SRSF4: variants seen among roughly 807,000 people sequenced by gnomAD.
SRSF4 encodes the protein serine and arginine rich splicing factor 4, also known as serine/arginine-rich splicing factor 4.
A neutral mutation model predicts 48.8 loss-of-function variants in SRSF4; 12 were observed. That is an observed-to-expected ratio of 0.25 (90% CI 0.16 to 0.40). The LOEUF is 0.40. Among genes scored for constraint, SRSF4 ranks in the 10% least tolerant of loss-of-function variants. The pLI is 1.00. For synonymous variants in SRSF4, 248 were observed against 232.5 expected, an observed-to-expected ratio of 1.07 and a Z score of -0.61; for missense variants, 466 against 667.1, an observed-to-expected ratio of 0.70 and a Z score of 3.32.
At chr1:29,154,550 A>C (rs1672469095) in intron 4 of SRSF4, 146 bp downstream of exon 4, 1 of 768,464 alleles carries the variant, frequency 1.3e-6, no homozygotes, top group Non-Finnish European at 2.0e-6. Context: ...GAGTTTTACA[A>C]ATAAATGTTC....
At chr1:29,159,235 TTTAA>T (rs1307246094) in intron 3 of SRSF4, 135 bp downstream of exon 3, 2 of 568,256 alleles carry the variant, frequency 3.5e-6, no homozygotes, top group Non-Finnish European at 6.3e-6. Flanking sequence ...CATATGGCAC[TTTAA>T]TTATTTCCAG....
Position 29,148,456 on chromosome 1 carries a change from G to A in SRSF4, c.1439C>T (p.Ser480Phe), listed in dbSNP as rs779890401. Residue 480 changes from serine to phenylalanine, a missense_variant, in exon 6 of 6, where the codon TCC (serine) becomes TTC (phenylalanine). By Grantham distance (155) the Ser-to-Phe change is radical. Transcript: ENST00000373795. ...AGATCTAGATCGGGAGGGCGATCTG[G>A]AAGCAGACCTGGATCTAGACTTGGA... is the stretch of plus-strand genomic sequence containing the variant. ...SRSKSRSRSA[S>F]RSPSRSRSRS... The A allele has an allele frequency of 1.9e-6, 3 of 1,612,462 alleles. No homozygotes were observed. The highest frequency in any genetic ancestry group is 2.2e-5 in the South Asian group (2 of 90,802).
rs1216963301 is a variant in SRSF4 at position 29,181,822 on chromosome 1, A to C, written c.-70T>G. On this transcript the variant is annotated 5_prime_UTR_variant, in exon 1 of 6. Coordinates refer to ENST00000373795, the MANE Select transcript of SRSF4 (RefSeq NM_005626.5). ...AGGCGGCGGCGGGCAAAGCGAGAGCACGGCGGCAGCGGCGGCGGCGGCAAC... is the reference window on the plus strand; with the variant it reads ...AGGCGGCGGCGGGCAAAGCGAGAGCCCGGCGGCAGCGGCGGCGGCGGCAAC... The C allele has an allele frequency of 1.5e-6, 2 of 1,328,652 alleles. No homozygotes were observed. The highest frequency in any genetic ancestry group is 1.5e-5 in the African/African-American group (1 of 65,338). The allele number at this position is 1,328,652 out of a possible 1,614,324, so 82.3% of individuals were successfully genotyped here.
chr1:29,169,467 C>A (rs1490623242), intron 1 of SRSF4: 3 of 152,188 alleles, frequency 2.0e-5, no homozygotes, highest in Admixed American at 6.6e-5. Context: ...CAAGAAAACA[C>A]CATTTCTGCA....
chr1:29,151,727 G>A (rs1177128806), intron 4 of SRSF4, among the ~76,000 whole-genome samples: 1 of 152,140 alleles, frequency 6.6e-6, no homozygotes, highest in African/African-American at 2.4e-5. Context: ...AATGTTCTTA[G>A]GTGAAAAAAC....
chr1:29,171,663 C>T (rs752003215), intron 1 of SRSF4: 23 of 152,040 alleles, frequency 1.5e-4, no homozygotes, highest in Admixed American at 2.6e-4. Flanking sequence ...GGTATTCTCT[C>T]AGATGCCTGG....
chr1:29,158,840 G>C (rs1002123042), intron 3 of SRSF4, among the ~76,000 whole-genome samples: 2 of 151,866 alleles, frequency 1.3e-5, no homozygotes, highest in African/African-American at 4.8e-5. Context: ...AACAAAATCA[G>C]GCCGGGCGCG....
intron 1 of SRSF4, among the ~76,000 whole-genome samples, chr1:29,166,410 T>C (rs1240141884): frequency 2.0e-5 from 3 of 152,230 alleles, no homozygotes; most frequent in Admixed American, 6.5e-5. Context: ...AGAGAAAAGC[T>C]TGTGAATGAG....
chr1:29,176,060 G>T (rs521300), intron 1 of SRSF4, among the ~76,000 whole-genome samples: 12,962 of 152,150 alleles, frequency 0.085, 702 homozygotes, highest in Non-Finnish European at 0.13. Flanking sequence ...AGACCATCCT[G>T]CCTAACACGG....
At chr1:29,162,027 CA>C (rs1199010087) in intron 1 of SRSF4, among the ~76,000 whole-genome samples, 3 of 152,134 alleles carry the variant, frequency 2.0e-5, no homozygotes, top group African/African-American at 7.2e-5. Context: ...TGCTAGGTTA[CA>C]ATGTGTAGGT....
intron 3 of SRSF4, among the ~76,000 whole-genome samples, chr1:29,158,638 T>C (rs902974128): frequency 1.3e-5 from 2 of 152,116 alleles, no homozygotes; most frequent in Non-Finnish European, 2.9e-5. Context: ...TCAAACATTC[T>C]TTACAGAGAG....
chr1:29,167,156 C>G (rs972220740), intron 1 of SRSF4, among the ~76,000 whole-genome samples: 2 of 152,158 alleles, frequency 1.3e-5, no homozygotes, highest in Non-Finnish European at 2.9e-5. Context: ...TGCATTGTGT[C>G]AGGAAAAGTC....
rs768956218 is a variant in SRSF4 at position 29,148,782 on chromosome 1, G to A, written c.1113C>T (p.Arg371=). Residue 371 remains arginine (R), a synonymous_variant, in exon 6 of 6, where the codon CGC becomes CGT. Coordinates refer to ENST00000373795, the MANE Select transcript of SRSF4 (RefSeq NM_005626.5). ...GCTTTCTGCTCCTCTCACTCTTGCTGCGGCTGCGACTGCGACTGCGGCTCT... is the reference window on the plus strand; with the variant it reads ...GCTTTCTGCTCCTCTCACTCTTGCTACGGCTGCGACTGCGACTGCGGCTCT... ...REESRSRSRS[R]SKSERSRKRG... 8 of 1,613,212 alleles carry A rather than the reference G, an allele frequency of 5.0e-6. No individual in the cohort carries two copies. In the African/African-American group the frequency reaches 8.0e-5, roughly 16 times the overall value.
At chr1:29,181,434 C>T (rs1241804138) in intron 1 of SRSF4, among the ~76,000 whole-genome samples, 1 of 152,168 alleles carries the variant, frequency 6.6e-6, no homozygotes, top group African/African-American at 2.4e-5. Flanking sequence ...GGCCTCAGCA[C>T]AGCTCCCATT....
At chr1:29,163,060 T>C (rs564384769) in intron 1 of SRSF4, among the ~76,000 whole-genome samples, 1 of 152,250 alleles carries the variant, frequency 6.6e-6, no homozygotes, top group African/African-American at 2.4e-5. Flanking sequence ...AATTTAAAAA[T>C]AAAAATTAAT....
intron 4 of SRSF4, among the ~76,000 whole-genome samples, chr1:29,151,013 C>T (rs1010231261): frequency 2.6e-5 from 4 of 152,152 alleles, no homozygotes. Flanking sequence ...CCAAGCTTTA[C>T]AAAATTTTTT....
rs878895202 is a variant in SRSF4, at chr1:29,160,267, A to G, written c.250+108T>C. On this transcript the variant is annotated intron_variant, in intron 2 of 5. Transcript: ENST00000373795. Reference sequence around the variant, plus strand: ...TTAAAAAAGATACATAATTTACAAAATAGCTTAAACATCAATACGTTTAAA... The same window carrying G: ...TTAAAAAAGATACATAATTTACAAAGTAGCTTAAACATCAATACGTTTAAA... 3.9e-6 allele frequency: 5 copies of G among 1,275,370 alleles called. No individual in the cohort carries two copies. The South Asian group carries it at 9.7e-5, about 25-fold the overall frequency. 79.0% of individuals were successfully genotyped at this position (1,275,370 alleles called of 1,614,324 possible).
chr1:29,150,276 A>AG, intron 4 of SRSF4, 84 bp from the exon 5 acceptor site: 2 of 688,388 alleles, frequency 2.9e-6, no homozygotes, highest in Non-Finnish European at 4.1e-6. Context: ...TTATATATAT[A>AG]TATTTTAGAT....
intron 4 of SRSF4, 120 bp downstream of exon 4, chr1:29,154,576 G>C (rs993928432): frequency 3.1e-5 from 29 of 946,942 alleles, no homozygotes; most frequent in Non-Finnish European, 4.5e-5. Context: ...AAAATTCTAA[G>C]TTATTGAACC....
Sources: allele counts gnomAD v4.1 joint callset (sites outside exome capture counted in the v4.1 genomes callset), GRCh38; gene constraint gnomAD v4.1.1; transcripts MANE v1.5; gene names NCBI Gene and HGNC (gene_info 2026-07-23, HGNC 2026-07-21).